The following PCCA variants were observed in gnomAD, a reference collection of about 807,000 sequenced individuals.
PCCA encodes the protein propionyl-CoA carboxylase subunit alpha.
In PCCA, 74 loss-of-function variants were observed where a neutral mutation model predicts 101.3. The observed-to-expected ratio is 0.73, with a 90% CI of 0.61 to 0.89. PCCA has a LOEUF of 0.89. Among genes scored for constraint, PCCA ranks in the 40% least tolerant of loss-of-function variants. The pLI, the probability that PCCA is intolerant of heterozygous loss-of-function variation, is 0.00. For missense variants in PCCA, 891 were observed against 907.0 expected, an observed-to-expected ratio of 0.98 and a Z score of 0.23; for synonymous variants, 294 against 313.6, an observed-to-expected ratio of 0.94 and a Z score of 0.66.
chr13:100,349,542 C>T (rs2073002935), intron 18 of PCCA, among the ~76,000 whole-genome samples: 1 of 152,238 alleles, frequency 6.6e-6, no homozygotes, highest in Non-Finnish European at 1.5e-5. Context: ...GGATTACAGG[C>T]ATGAGCCACC....
At chr13:100,175,326 A>G (rs573200055) in intron 6 of PCCA, among the ~76,000 whole-genome samples, 2 of 152,312 alleles carry the variant, frequency 1.3e-5, no homozygotes, top group East Asian at 3.9e-4. Context: ...GTTTGAAAGT[A>G]TTGCAACTTT....
chr13:100,275,097 G>T (rs2063553566), intron 12 of PCCA, among the ~76,000 whole-genome samples: 1 of 152,068 alleles, frequency 6.6e-6, no homozygotes, highest in East Asian at 1.9e-4. Flanking sequence ...GCATGAGCTG[G>T]GTCGAGCTTA....
intron 7 of PCCA, among the ~76,000 whole-genome samples, chr13:100,228,521 C>T (rs1296700093): frequency 6.6e-6 from 1 of 152,070 alleles, no homozygotes; most frequent in Non-Finnish European, 1.5e-5. Context: ...GAATAATCAG[C>T]TCCACTTTTT....
intron 6 of PCCA, among the ~76,000 whole-genome samples, chr13:100,194,070 CAA>C (rs879368897): frequency 1.6e-5 from 2 of 121,672 alleles, no homozygotes; most frequent in African/African-American, 3.0e-5. Flanking sequence ...GCCTCCGTCT[CAA>C]AAAAAAAAAA....
At chr13:100,305,462 A>G (rs1324591516) in intron 14 of PCCA, among the ~76,000 whole-genome samples, 2 of 152,190 alleles carry the variant, frequency 1.3e-5, no homozygotes, top group African/African-American at 4.8e-5. Context: ...GCTTTGTAGC[A>G]GTTTATGTAG....
intron 10 of PCCA, chr13:100,268,471 T>C: frequency 1.6e-6 from 1 of 606,232 alleles, no homozygotes; most frequent in Non-Finnish European, 3.0e-6. Flanking sequence ...TGAACACTTT[T>C]TCCTCAAATC....
chr13:100,423,306 G>T (rs1348049832), intron 19 of PCCA, among the ~76,000 whole-genome samples: 4 of 152,184 alleles, frequency 2.6e-5, no homozygotes, highest in African/African-American at 9.7e-5. Flanking sequence ...CTTCGGTTCA[G>T]CCAGCCCACC....
chr13:100,426,080 T>G (rs1051323459), intron 20 of PCCA, among the ~76,000 whole-genome samples: 1 of 152,150 alleles, frequency 6.6e-6, no homozygotes, highest in African/African-American at 2.4e-5. Flanking sequence ...TTCTTTTCTG[T>G]GCAGTTGAAA....
chr13:100,256,851 CGTT>C (rs1408239435), intron 8 of PCCA, among the ~76,000 whole-genome samples: 1 of 152,158 alleles, frequency 6.6e-6, no homozygotes, highest in Non-Finnish European at 1.5e-5. Context: ...CTTGATAAAT[CGTT>C]GTAAATGACT....
intron 19 of PCCA, among the ~76,000 whole-genome samples, chr13:100,392,040 T>C (rs533027570): frequency 2.8e-4 from 42 of 152,352 alleles, no homozygotes; most frequent in African/African-American, 1.0e-3. Flanking sequence ...GTGCTTATCA[T>C]GCACTTGAGT....
intron 17 of PCCA, among the ~76,000 whole-genome samples, chr13:100,338,251 A>T (rs1429277262): frequency 6.6e-6 from 1 of 152,186 alleles, no homozygotes; most frequent in Non-Finnish European, 1.5e-5. Context: ...GTGATTATAT[A>T]TATTGATATT....
intron 6 of PCCA, among the ~76,000 whole-genome samples, chr13:100,172,925 C>T (rs769368714): frequency 1.1e-4 from 16 of 152,158 alleles, no homozygotes; most frequent in South Asian, 2.1e-4. Context: ...TCATAACTAC[C>T]GGACTATGCT....
chr13:100,457,832 G>C (rs1295070519), intron 21 of PCCA, among the ~76,000 whole-genome samples: 3 of 152,194 alleles, frequency 2.0e-5, no homozygotes, highest in African/African-American at 7.2e-5. Context: ...CTAAGAGCAA[G>C]TGTGAGCCCT....
chr13:100,212,684 A>T (rs1655982017), intron 7 of PCCA, among the ~76,000 whole-genome samples: 1 of 152,102 alleles, frequency 6.6e-6, no homozygotes, highest in Non-Finnish European at 1.5e-5. Context: ...TTTTTTAAAA[A>T]TTCTTCACCT....
At position 100,437,970 on chromosome 13, in the gene PCCA, G is replaced by A. The variant is rs536947401; in HGVS notation, c.1846-11282G>A. ...CAGGTGTGAGCCATTGTTCCCAACT[G>A]TCATTTAAAATTTCTTAGTAGTCAT... On this transcript the variant is annotated intron_variant, in intron 20 of 23. Coordinates refer to ENST00000376285, the MANE Select transcript of PCCA (RefSeq NM_000282.4). Among the ~76,000 whole-genome samples the A allele has an allele frequency of 7.0e-4, 107 of 152,148 alleles. No homozygotes were observed. The Middle Eastern group carries it at 0.014, about 19-fold the overall frequency.
intron 4 of PCCA, among the ~76,000 whole-genome samples, chr13:100,114,566 G>T (rs1577899): frequency 6.6e-6 from 1 of 151,886 alleles, no homozygotes; most frequent in African/African-American, 2.4e-5. Flanking sequence ...CCACTGCGCT[G>T]TAGCGTGGGC....
chr13:100,397,795 G>C (rs1218194422), intron 19 of PCCA, among the ~76,000 whole-genome samples: 1 of 152,058 alleles, frequency 6.6e-6, no homozygotes, highest in Non-Finnish European at 1.5e-5. Flanking sequence ...GTGTTTGGCT[G>C]TGTGACTGTC....
chr13:100,138,257 G>A (rs1288014744), intron 4 of PCCA, among the ~76,000 whole-genome samples: 4 of 151,584 alleles, frequency 2.6e-5, no homozygotes, highest in African/African-American at 4.9e-5. Context: ...TGACTATCTC[G>A]TGTAGTTTTT....
chr13:100,474,466 CTCTGTCTCTG>C (rs758727024), intron 21 of PCCA, among the ~76,000 whole-genome samples: 1 of 123,158 alleles, frequency 8.1e-6, no homozygotes, highest in African/African-American at 2.7e-5. Flanking sequence ...CTCTCTCTCT[CTCTGTCTCTG>C]TCTCTGTCTC....
Sources: allele counts gnomAD v4.1 joint callset (sites outside exome capture counted in the v4.1 genomes callset), GRCh38; gene constraint gnomAD v4.1.1; transcripts MANE v1.5; gene names NCBI Gene and HGNC (gene_info 2026-07-23, HGNC 2026-07-21).